CREM: variants seen among roughly 807,000 people sequenced by gnomAD.
CREM encodes the protein cAMP responsive element modulator, also known as cAMP-responsive element modulator.
A neutral mutation model predicts 37.3 loss-of-function variants in CREM; 13 were observed. That is an observed-to-expected ratio of 0.35 (90% CI 0.23 to 0.55). The LOEUF is 0.55. Ranked by LOEUF, CREM falls within the 20% of genes least tolerant of loss-of-function variation. The pLI is 0.88. For synonymous variants in CREM, 124 were observed against 120.2 expected (o/e 1.03, Z -0.21); for missense variants, 296 against 362.3 (o/e 0.82, Z 1.49).
intron 6 of CREM, among the ~76,000 whole-genome samples, chr10:35,206,256 A>T (rs957706478): frequency 6.6e-6 from 1 of 150,752 alleles, no homozygotes; most frequent in Non-Finnish European, 1.5e-5. Flanking sequence ...TCAAAAAAAA[A>T]AAAATATGTG....
chr10:35,171,881 C>T (rs905930739), intron 3 of CREM, among the ~76,000 whole-genome samples: 1 of 152,010 alleles, frequency 6.6e-6, no homozygotes, highest in Non-Finnish European at 1.5e-5. Flanking sequence ...CAGAAATTTC[C>T]ACCACCCAGC....
At position 35,142,324 on chromosome 10, in the gene CREM, A is replaced by G. The variant is rs566797007; in HGVS notation, c.44+4445A>G. Among the ~76,000 whole-genome samples, 6 of 152,300 alleles carry G rather than the reference A, an allele frequency of 3.9e-5. No individual in the cohort carries two copies. The East Asian group carries it at 1.2e-3, about 29-fold the overall frequency. On this transcript the variant is annotated intron_variant, in intron 2 of 7. Coordinates refer to ENST00000685392, the MANE Select transcript of CREM (RefSeq NM_183011.2). Reference sequence around the variant, plus strand: ...ATCCCCTGGGGCATGGGCTCCAAACAACAGATACAGGTATTTTAAGAGTAG... The same window carrying G: ...ATCCCCTGGGGCATGGGCTCCAAACGACAGATACAGGTATTTTAAGAGTAG...
intron 2 of CREM, among the ~76,000 whole-genome samples, chr10:35,144,050 A>G (rs1268580537): frequency 6.6e-6 from 1 of 152,194 alleles, no homozygotes; most frequent in African/African-American, 2.4e-5. Context: ...GGGGCATTGA[A>G]GTTTAGTTGT....
intron 6 of CREM, among the ~76,000 whole-genome samples, chr10:35,196,865 C>CTTTGTT (rs2095197501): frequency 9.2e-6 from 1 of 108,942 alleles, no homozygotes; most frequent in Non-Finnish European, 1.8e-5. Context: ...ACGCTGTGTA[C>CTTTGTT]TTTTTTTTTT....
chr10:35,198,486 G>A, intron 6 of CREM, among the ~76,000 whole-genome samples: 1 of 149,894 alleles, frequency 6.7e-6, no homozygotes. Flanking sequence ...TTGCACCACT[G>A]CACTCCAGCC....
intron 3 of CREM, among the ~76,000 whole-genome samples, chr10:35,177,514 G>T (rs904571525): frequency 1.3e-5 from 2 of 152,176 alleles, no homozygotes; most frequent in African/African-American, 4.8e-5. Flanking sequence ...ACCCAGGTTT[G>T]TGTTGAGGCC....
At chr10:35,160,166 C>T (rs2093200602) in intron 3 of CREM, among the ~76,000 whole-genome samples, 1 of 152,136 alleles carries the variant, frequency 6.6e-6, no homozygotes, top group South Asian at 2.1e-4. Context: ...GGCTGCAAAC[C>T]TGTATAGGAT....
At chr10:35,200,278 G>A (rs756281274) in intron 6 of CREM, among the ~76,000 whole-genome samples, 2 of 152,106 alleles carry the variant, frequency 1.3e-5, no homozygotes, top group African/African-American at 2.4e-5. Flanking sequence ...TTCAGTGTTC[G>A]TAATTTCCCA....
intron 2 of CREM, among the ~76,000 whole-genome samples, chr10:35,142,479 A>G (rs1325115526): frequency 6.6e-6 from 1 of 152,184 alleles, no homozygotes; most frequent in East Asian, 1.9e-4. Context: ...CAGTCAGTAT[A>G]GAAACGCAGG....
At chr10:35,162,346 A>G (rs1434572785) in intron 3 of CREM, among the ~76,000 whole-genome samples, 2 of 152,216 alleles carry the variant, frequency 1.3e-5, no homozygotes, top group African/African-American at 4.8e-5. Flanking sequence ...CAAGAGAGCT[A>G]TCATACAGCA....
chr10:35,207,539 G>T (rs1442066825), intron 7 of CREM, among the ~76,000 whole-genome samples: 1 of 152,140 alleles, frequency 6.6e-6, no homozygotes. Flanking sequence ...ACTTTGGGAG[G>T]TCAAGGCGGG....
At chr10:35,132,875 G>A (rs2089701970) in intron 1 of CREM, among the ~76,000 whole-genome samples, 1 of 152,146 alleles carries the variant, frequency 6.6e-6, no homozygotes. Context: ...TTTACAATAT[G>A]AGCTTCATAT....
Position 35,178,972 on chromosome 10 carries a change from A to G in CREM, c.252A>G (p.Arg84=), listed in dbSNP as rs1482884485. ...ATAAACGTAGAGAAATCCTTTCACGAAGACCCTCTTATAGGTAAGTTAACC... is the reference window on the plus strand; with the variant it reads ...ATAAACGTAGAGAAATCCTTTCACGGAGACCCTCTTATAGGTAAGTTAACC... ...DSHKRREILS[R]RPSYRKILNE... is the part of the protein sequence containing the mutation. The change falls in exon 4 of 8, where the codon CGA becomes CGG. Residue 84 remains arginine (R), a synonymous_variant. Coordinates refer to ENST00000685392, the MANE Select transcript of CREM (RefSeq NM_183011.2). 1 of 1,611,178 alleles carries G rather than the reference A, an allele frequency of 6.2e-7. No individual in the cohort carries two copies. The highest frequency in any genetic ancestry group is 2.2e-5 in the East Asian group (1 of 44,868).
At chr10:35,152,487 G>A (rs1026404996) in intron 3 of CREM, 3 of 152,108 alleles carry the variant, frequency 2.0e-5, no homozygotes, top group African/African-American at 7.2e-5. Context: ...AAATCACGGT[G>A]GTGGTAATGT....
chr10:35,157,465 C>T (rs2092988366), intron 3 of CREM, among the ~76,000 whole-genome samples: 1 of 151,954 alleles, frequency 6.6e-6, no homozygotes, highest in Non-Finnish European at 1.5e-5. Flanking sequence ...AAGCCTGTCT[C>T]TACCAGAAAA....
At chr10:35,206,852 A>C in intron 6 of CREM, 43 bp from the exon 7 acceptor site, 1 of 1,599,128 alleles carries the variant, frequency 6.3e-7, no homozygotes, top group Non-Finnish European at 8.6e-7. Context: ...ATGCCAAATT[A>C]TGAATTCTTT....
At chr10:35,159,934 CAT>C (rs1252558905) in intron 3 of CREM, among the ~76,000 whole-genome samples, 1 of 152,120 alleles carries the variant, frequency 6.6e-6, no homozygotes, top group Non-Finnish European at 1.5e-5. Context: ...CAAAAGAAGA[CAT>C]AAAAATGGCC....
rs1283730995 is a variant in CREM, at chr10:35,143,599, T to TTTC, written c.45-4769_45-4768insTTC. On this transcript the variant is annotated intron_variant, in intron 2 of 7. Coordinates refer to ENST00000685392, the MANE Select transcript of CREM (RefSeq NM_183011.2). ...GGTAAGGGATAGGTCTTCTTTTGAG[T>TTTC]GTTGAACATAGACAGAATGGTGAAG... 1.1e-4 allele frequency among the ~76,000 whole-genome samples: 17 copies of TTTC among 152,230 alleles called. No individual in the cohort carries two copies. The East Asian group carries it at 3.3e-3, about 29-fold the overall frequency.
intron 6 of CREM, among the ~76,000 whole-genome samples, chr10:35,204,132 A>T (rs1479032216): frequency 6.6e-6 from 1 of 152,226 alleles, no homozygotes; most frequent in African/African-American, 2.4e-5. Flanking sequence ...TACGATGAAG[A>T]TATGTTAAAC....
Sources: gnomAD v4.1 joint callset for allele counts (sites outside exome capture counted in the v4.1 genomes callset) on GRCh38, gnomAD v4.1.1 for gene constraint, MANE v1.5 for transcripts, NCBI Gene and HGNC (gene_info 2026-07-23, HGNC 2026-07-21) for gene names.